Variants in INVS observed in about 807,000 individuals in gnomAD.
The protein encoded by INVS is inversion of embryo turning homolog.
Under a neutral mutation model 108.8 loss-of-function variants are expected in INVS, and 86 were observed. That is an observed-to-expected ratio of 0.79 (90% CI 0.66 to 0.95). The LOEUF is 0.95. Ranked by LOEUF, INVS falls within the 40% of genes least tolerant of loss-of-function variation. The probability of loss-of-function intolerance (pLI) is 0.00; values close to 1 mark genes in which losing one functional copy is unlikely to be tolerated. For synonymous variants in INVS, 455 were observed against 473.5 expected (o/e 0.96, Z 0.51); for missense variants, 1,169 against 1,297.4 (o/e 0.90, Z 1.52).
intron 12 of INVS, among the ~76,000 whole-genome samples, chr9:100,281,835 T>C (rs1259398140): frequency 6.6e-6 from 1 of 151,796 alleles, no homozygotes; most frequent in Non-Finnish European, 1.5e-5. Context: ...CTGTTCCTCA[T>C]GTGGCTGCCT....
At chr9:100,161,500 G>A (rs1029773435) in intron 3 of INVS, among the ~76,000 whole-genome samples, 4 of 151,622 alleles carry the variant, frequency 2.6e-5, no homozygotes, top group South Asian at 2.1e-4. Context: ...GAGAACTCAC[G>A]AAAGGTAGGA....
intron 5 of INVS, among the ~76,000 whole-genome samples, chr9:100,236,688 G>T (rs1043022076): frequency 1.1e-4 from 17 of 152,276 alleles, no homozygotes; most frequent in African/African-American, 4.1e-4. Context: ...ACCAGCAGAG[G>T]CTACGGAACA....
intron 3 of INVS, among the ~76,000 whole-genome samples, chr9:100,222,685 G>A (rs2806681): frequency 0.52 from 79,292 of 151,844 alleles, 21,861 homozygotes; most frequent in African/African-American, 0.64. Context: ...ATTTCCAATC[G>A]AAATGACTGT....
chr9:100,241,760 A>G (rs1448208090), intron 6 of INVS, among the ~76,000 whole-genome samples: 1 of 152,204 alleles, frequency 6.6e-6, no homozygotes, highest in Non-Finnish European at 1.5e-5. Context: ...AGATAGATGA[A>G]CACAATTTCC....
In INVS at chr9:100,297,256, G is replaced by A. The variant is rs1833817354; in HGVS notation, c.3016+110G>A. The stretch of plus-strand genomic sequence containing the variant: ...GGTAAACTTCCATTCAGATAAATTA[G>A]GTTGGTGCAAAATTAATTGTATTAT... On this transcript the variant is annotated intron_variant, in intron 15 of 16. Transcript: ENST00000262457. The A allele has an allele frequency of 3.4e-6, 3 of 894,646 alleles. No homozygotes were observed. In the South Asian group the frequency reaches 4.3e-5, roughly 13 times the overall value. The allele number at this position is 894,646 out of a possible 1,614,324, so 55.4% of individuals were successfully genotyped here.
chr9:100,123,626 C>T (rs1315933942), intron 2 of INVS, among the ~76,000 whole-genome samples: 2 of 152,174 alleles, frequency 1.3e-5, no homozygotes, highest in African/African-American at 4.8e-5. Context: ...TGGGTACATA[C>T]TTGGGATTGG....
At chr9:100,121,121 A>G (rs1198265517) in intron 2 of INVS, among the ~76,000 whole-genome samples, 1 of 152,172 alleles carries the variant, frequency 6.6e-6, no homozygotes, top group Admixed American at 6.5e-5. Flanking sequence ...CCAGCAGGAA[A>G]GTGTCTCTGC....
intron 10 of INVS, among the ~76,000 whole-genome samples, chr9:100,259,187 A>C (rs1393612160): frequency 6.6e-6 from 1 of 152,116 alleles, no homozygotes; most frequent in Non-Finnish European, 1.5e-5. Context: ...GCTAGCAGTG[A>C]GTGAGTCTCC....
At chr9:100,136,877 T>C (rs976339241) in intron 3 of INVS, among the ~76,000 whole-genome samples, 1 of 152,000 alleles carries the variant, frequency 6.6e-6, no homozygotes, top group African/African-American at 2.4e-5. Context: ...CCATCTCTAA[T>C]AAAAATACAA....
At chr9:100,140,028 G>T (rs1828372169) in intron 3 of INVS, among the ~76,000 whole-genome samples, 1 of 152,130 alleles carries the variant, frequency 6.6e-6, no homozygotes, top group African/African-American at 2.4e-5. Context: ...TAGTTCCAAA[G>T]CATTTCCATC....
intron 10 of INVS, among the ~76,000 whole-genome samples, chr9:100,254,958 T>G (rs750844001): frequency 2.6e-5 from 4 of 152,174 alleles, no homozygotes; most frequent in African/African-American, 4.8e-5. Flanking sequence ...GTGAAGAAAG[T>G]CATTGGTAGC....
chr9:100,112,889 A>G (rs1434106876), intron 2 of INVS, among the ~76,000 whole-genome samples: 1 of 152,148 alleles, frequency 6.6e-6, no homozygotes, highest in Non-Finnish European at 1.5e-5. Context: ...TAAAGCTTCT[A>G]AGGAGGAATG....
chr9:100,296,987 T>C lies in INVS; in HGVS notation c.2857T>C (p.Trp953Arg), dbSNP rs750220892. The C allele has an allele frequency of 6.2e-7, 1 of 1,614,028 alleles. No homozygotes were observed. The highest frequency in any genetic ancestry group is 8.5e-7 in the Non-Finnish European group (1 of 1,179,996). Reference sequence around the variant, plus strand: ...GCTTGGAGCTGGAGATGTGGACAGATGGAGGCAAGAGTCTACAGCATTGCT... The same window carrying C: ...GCTTGGAGCTGGAGATGTGGACAGACGGAGGCAAGAGTCTACAGCATTGCT... ...KQLGAGDVDRWRQESTALLLQ... is the reference protein window; with the variant it reads ...KQLGAGDVDRRRQESTALLLQ... Residue 953 changes from tryptophan to arginine, a missense_variant, in exon 15 of 17, where the codon TGG (tryptophan) becomes CGG (arginine). This residue lies in a region of INVS where 533 missense variants were observed against 536.0 expected (regional missense o/e 0.99). Coordinates refer to ENST00000262457, the MANE Select transcript of INVS (RefSeq NM_014425.5).
chr9:100,264,944 C>CTTTTTTTT lies in INVS; in HGVS notation c.1571+25_1571+32dup. 6 of 1,241,796 alleles carry CTTTTTTTT rather than the reference C, an allele frequency of 4.8e-6. No homozygotes were observed. Among genetic ancestry groups the CTTTTTTTT allele is most frequent in the Admixed American group, 2.0e-5 (1 of 49,106 alleles). The allele number at this position is 1,241,796 out of a possible 1,614,324, so 76.9% of individuals were successfully genotyped here. A position where few individuals can be genotyped will look rare whatever the true frequency, so the allele number is the denominator to read the frequency against. On this transcript the variant is annotated intron_variant, in intron 11 of 16. Transcript: ENST00000262457. Reference sequence around the variant, plus strand: ...ATGAAGAGAGGTAAGTTGTTGTTGACTTTTTTTTTTTTTTTTGAGATGGCT... The same window carrying CTTTTTTTT: ...ATGAAGAGAGGTAAGTTGTTGTTGACTTTTTTTTTTTTTTTTTTTTTTTTGAGATGGCT...
chr9:100,191,401 C>G (rs1461488625), intron 3 of INVS, among the ~76,000 whole-genome samples: 3 of 152,062 alleles, frequency 2.0e-5, no homozygotes, highest in Non-Finnish European at 4.4e-5. Context: ...TTACTCTTGT[C>G]TGATTGGGTT....
chr9:100,167,526 A>G (rs1588055471), intron 3 of INVS, among the ~76,000 whole-genome samples: 1 of 152,144 alleles, frequency 6.6e-6, no homozygotes, highest in East Asian at 1.9e-4. Flanking sequence ...TGTCTCAGTG[A>G]ACCCTTTTCT....
Position 100,177,190 on chromosome 9 carries a change from C to T in INVS, c.274-48872C>T, listed in dbSNP as rs375177826. 7.5e-4 allele frequency among the ~76,000 whole-genome samples: 114 copies of T among 152,128 alleles called. 2 individuals are homozygous for T. In the South Asian group the frequency reaches 0.013, roughly 18 times the overall value. The stretch of plus-strand genomic sequence containing the variant: ...GGGCCCTGGGTTTCAAGCAAAAAAC[C>T]GGGCGGCCATTTGGGCAGACACCAA... On this transcript the variant is annotated intron_variant, in intron 3 of 16. Coordinates refer to ENST00000262457, the MANE Select transcript of INVS (RefSeq NM_014425.5).
At chr9:100,247,832 G>A (rs10819750) in intron 8 of INVS, among the ~76,000 whole-genome samples, 26,101 of 151,532 alleles carry the variant, frequency 0.17, 3,352 homozygotes, top group African/African-American at 0.37. Context: ...TTTTTGAGAC[G>A]GAGTCTCACT....
At chr9:100,209,542 G>T (rs1161202613) in intron 3 of INVS, among the ~76,000 whole-genome samples, 5 of 152,048 alleles carry the variant, frequency 3.3e-5, no homozygotes, top group East Asian at 1.9e-4. Context: ...AGGCCAAGGC[G>T]GGAGGATCAC....
Sources: gnomAD v4.1 joint callset for allele counts (sites outside exome capture counted in the v4.1 genomes callset) on GRCh38, gnomAD v4.1.1 for gene constraint, gnomAD v4.1.1 regional missense constraint, MANE v1.5 for transcripts, NCBI Gene and HGNC (gene_info 2026-07-23, HGNC 2026-07-21) for gene names.